PCDHGA10: variants seen among roughly 807,000 people sequenced by gnomAD.
PCDHGA10 encodes the protein protocadherin gamma subfamily A, 10.
In PCDHGA10, 42 loss-of-function variants were observed where a neutral mutation model predicts 59.5. The observed-to-expected ratio is 0.71, with a 90% CI of 0.55 to 0.91. PCDHGA10 has a LOEUF of 0.91. Ranked by LOEUF, PCDHGA10 falls within the 40% of genes least tolerant of loss-of-function variation. PCDHGA10 has a pLI of 0.00. For missense variants in PCDHGA10, 1,111 were observed against 1,198.2 expected (o/e 0.93, Z 1.07); for synonymous variants, 511 against 517.2 (o/e 0.99, Z 0.16).
At position 141,491,049 on chromosome 5, in the gene PCDHGA10, G is replaced by C; in HGVS notation, c.2437-3758G>C. The C allele has an allele frequency of 1.2e-6, 2 of 1,614,116 alleles. No homozygotes were observed. Among genetic ancestry groups the C allele is most frequent in the Admixed American group, 3.3e-5 (2 of 60,024 alleles). On this transcript the variant is annotated intron_variant, in intron 1 of 3. Transcript: ENST00000398610. This position sits in a 1 kb window ranked among gnomAD's most constrained non-coding sequence, Gnocchi z 6.9. ...TGGATGCTGATGCAGGCCACAATGC[G>C]TGGCTCTCCTACTCACTGTTGCCAC...
Position 141,490,177 on chromosome 5 carries a change from T to C in PCDHGA10, c.2437-4630T>C, listed in dbSNP as rs780298274. 12 of 1,613,622 alleles carry C rather than the reference T, an allele frequency of 7.4e-6. No individual in the cohort carries two copies. The highest frequency in any genetic ancestry group is 1.0e-5 in the Non-Finnish European group (12 of 1,179,932). On this transcript the variant is annotated intron_variant, in intron 1 of 3. Transcript: ENST00000398610. This position sits in a 1 kb window ranked among gnomAD's most constrained non-coding sequence, Gnocchi z 5.4. The stretch of plus-strand genomic sequence containing the variant: ...GTTGGGTCCCATAGACTTTGAGGAG[T>C]CACGTTTCTATGAAATTCATGCAAG...
In PCDHGA10 at chr5:141,489,720, G is replaced by A. The variant is rs560729125; in HGVS notation, c.2437-5087G>A. ...TCCCACTGGACAGTGCCCAGGATCC[G>A]GATGTGGGCACCAATACTGTGAGCT... On this transcript the variant is annotated intron_variant, in intron 1 of 3. Transcript: ENST00000398610. The surrounding 1 kb of genome is among the most constrained non-coding windows in gnomAD (Gnocchi z 4.5). The A allele has an allele frequency of 3.2e-5, 51 of 1,614,200 alleles. No individual in the cohort carries two copies. The highest frequency in any genetic ancestry group is 9.3e-5 in the African/African-American group (7 of 75,048).
chr5:141,467,572 G>A (rs1351985954), intron 1 of PCDHGA10, among the ~76,000 whole-genome samples: 1 of 152,184 alleles, frequency 6.6e-6, no homozygotes, highest in African/African-American at 2.4e-5. Flanking sequence ...TGGCTATCCA[G>A]TTGTCCCAAT....
chr5:141,473,655 G>A (rs2099326380), intron 1 of PCDHGA10, among the ~76,000 whole-genome samples: 1 of 152,182 alleles, frequency 6.6e-6, no homozygotes, highest in Non-Finnish European at 1.5e-5. Context: ...AACAATTTGT[G>A]TGAAGGCCCT....
intron 1 of PCDHGA10, among the ~76,000 whole-genome samples, chr5:141,463,545 T>C (rs1433047951): frequency 6.8e-6 from 1 of 146,704 alleles, no homozygotes; most frequent in East Asian, 2.1e-4. Flanking sequence ...GGCTCCCGGG[T>C]TCATGCCATT....
At chr5:141,496,402 G>T (rs551923899) in intron 2 of PCDHGA10, among the ~76,000 whole-genome samples, 183 of 152,248 alleles carry the variant, frequency 1.2e-3, no homozygotes, top group African/African-American at 4.0e-3. Flanking sequence ...CCTCCTCAAT[G>T]GTTGAGTACT....
chr5:141,445,825 G>A (rs1031190864), intron 1 of PCDHGA10, among the ~76,000 whole-genome samples: 8 of 152,124 alleles, frequency 5.3e-5, no homozygotes, highest in Non-Finnish European at 1.2e-4. Context: ...AATAAGGCAG[G>A]GAGAGCCTTG....
At chr5:141,478,239 C>G in intron 1 of PCDHGA10, 1 of 1,614,132 alleles carries the variant, frequency 6.2e-7, no homozygotes. Flanking sequence ...TTTGTGGTCA[C>G]AGTGTTCGGA....
chr5:141,430,723 A>C lies in PCDHGA10; in HGVS notation c.2436+15112A>C, dbSNP rs554822923. ...GAACTGCTCCTGACTTCAGTGGTTAAGGGCAGAATTGAAAATAATTCTGGA... is the reference window on the plus strand; with the variant it reads ...GAACTGCTCCTGACTTCAGTGGTTACGGGCAGAATTGAAAATAATTCTGGA... On this transcript the variant is annotated intron_variant, in intron 1 of 3. Transcript: ENST00000398610. 58 of 1,493,590 alleles carry C rather than the reference A, an allele frequency of 3.9e-5. No homozygotes were observed. The African/African-American group carries it at 7.7e-4, about 20-fold the overall frequency. The allele number at this position is 1,493,590 out of a possible 1,614,324, so 92.5% of individuals were successfully genotyped here. A position where few individuals can be genotyped will look rare whatever the true frequency, so the allele number is the denominator to read the frequency against.
At position 141,414,031 on chromosome 5, in the gene PCDHGA10, C is replaced by G. The variant is rs900884760; in HGVS notation, c.856C>G (p.Arg286Gly). The G allele has an allele frequency of 1.2e-6, 2 of 1,611,740 alleles. No homozygotes were observed. The highest frequency in any genetic ancestry group is 2.7e-5 in the African/African-American group (2 of 74,762). The change falls in exon 1 of 4, where the codon CGA (arginine) becomes GGA (glycine). Residue 286 changes from arginine (R) to glycine (G), a missense_variant. Physicochemically the swap from Arg to Gly is moderately radical, Grantham distance 125 (BLOSUM62 -2). Coordinates refer to ENST00000398610, the MANE Select transcript of PCDHGA10 (RefSeq NM_018913.3). ...GANGEVTYSF[R>G]KLPDTQLLKF... ...CAATGGAGAAGTGACATATTCATTC[C>G]GAAAATTACCTGACACGCAATTGTT... is the stretch of plus-strand genomic sequence containing the variant.
chr5:141,482,967 AGCAGCTACTT>A (rs2099575323), intron 1 of PCDHGA10, among the ~76,000 whole-genome samples: 1 of 58,122 alleles, frequency 1.7e-5, no homozygotes, highest in African/African-American at 2.6e-4. Flanking sequence ...CAGCTACTTG[AGCAGCTACTT>A]GAGAGGTCGA....
At chr5:141,500,866 A>G (rs576713520) in intron 2 of PCDHGA10, among the ~76,000 whole-genome samples, 19 of 146,112 alleles carry the variant, frequency 1.3e-4, no homozygotes, top group South Asian at 4.3e-4. Context: ...AAACATACAC[A>G]TTCATTTACA....
Position 141,413,304 on chromosome 5 carries a change from A to G in PCDHGA10, c.129A>G (p.Leu43=). The G allele has an allele frequency of 6.2e-7, 1 of 1,613,982 alleles. No homozygotes were observed. Among genetic ancestry groups the G allele is most frequent in the Non-Finnish European group, 8.5e-7 (1 of 1,179,906 alleles). The part of the protein sequence containing the change: ...RQISYSIPEE[L]EKGSFVGNIS... ...TCTCCTACTCAATTCCTGAGGAATTAGAGAAAGGCTCTTTCGTGGGCAACA... is the reference window on the plus strand; with the variant it reads ...TCTCCTACTCAATTCCTGAGGAATTGGAGAAAGGCTCTTTCGTGGGCAACA... Residue 43 remains leucine, a synonymous_variant, in exon 1 of 4, where the codon TTA becomes TTG. Coordinates refer to ENST00000398610, the MANE Select transcript of PCDHGA10 (RefSeq NM_018913.3).
At position 141,415,428 on chromosome 5, in the gene PCDHGA10, G is replaced by T. The variant is rs948747218; in HGVS notation, c.2253G>T (p.Arg751=). 1.5e-5 allele frequency: 24 copies of T among 1,614,088 alleles called. No individual in the cohort carries two copies. In the Admixed American group the frequency reaches 1.7e-4, roughly 11 times the overall value. ...ACTTTGTGGGCGTGGACGGGGTTCG[G>T]GCTTTCCTGCAGACCTATTCCCACG... ...GSHFVGVDGV[R]AFLQTYSHEV... Residue 751 remains arginine (R), a synonymous_variant, in exon 1 of 4, where the codon CGG becomes CGT. Transcript: ENST00000398610.
intron 2 of PCDHGA10, among the ~76,000 whole-genome samples, chr5:141,502,705 T>C (rs1475675789): frequency 6.6e-6 from 1 of 152,248 alleles, no homozygotes; most frequent in African/African-American, 2.4e-5. Context: ...TATCTGTTTT[T>C]ACATCAGTGA....
rs1224943883 is a variant in PCDHGA10 at position 141,493,516 on chromosome 5, G to A, written c.2437-1291G>A. Among the ~76,000 whole-genome samples, 1 of 152,122 alleles carries A rather than the reference G, an allele frequency of 6.6e-6. No individual in the cohort carries two copies. The highest frequency in any genetic ancestry group is 1.5e-5 in the Non-Finnish European group (1 of 68,036). On this transcript the variant is annotated intron_variant, in intron 1 of 3. Coordinates refer to ENST00000398610, the MANE Select transcript of PCDHGA10 (RefSeq NM_018913.3). The surrounding 1 kb of genome is among the most constrained non-coding windows in gnomAD (Gnocchi z 4.3). ...GGCTCCTCATTTCTGAGCAGTCCCC[G>A]CAGCGCAAACTTGGCCAGTTATCCT...
At position 141,486,709 on chromosome 5, in the gene PCDHGA10, C is replaced by T; in HGVS notation, c.2437-8098C>T. 6.2e-7 allele frequency: 1 copy of T among 1,614,182 alleles called. No individual in the cohort carries two copies. ...CTTCCTCTTTCATCTCTCTGAACCC[C>T]CAGACAGGAGCTGTTCATGCTACTC... On this transcript the variant is annotated intron_variant, in intron 1 of 3. Coordinates refer to ENST00000398610, the MANE Select transcript of PCDHGA10 (RefSeq NM_018913.3). This position sits in a 1 kb window ranked among gnomAD's most constrained non-coding sequence, Gnocchi z 5.0.
Position 141,491,886 on chromosome 5 carries a change from G to A in PCDHGA10, c.2437-2921G>A. On this transcript the variant is annotated intron_variant, in intron 1 of 3. Coordinates refer to ENST00000398610, the MANE Select transcript of PCDHGA10 (RefSeq NM_018913.3). The surrounding 1 kb of genome is among the most constrained non-coding windows in gnomAD (Gnocchi z 6.9). ...CCAGAGTGGCCGATTAAGGGATGGG[G>A]CTCCGAGCACCGGGGGTGGTGGCGA... 6.9e-7 allele frequency: 1 copy of A among 1,445,558 alleles called. No individual in the cohort carries two copies. Among genetic ancestry groups the A allele is most frequent in the Non-Finnish European group, 9.1e-7 (1 of 1,093,458 alleles). 89.5% of individuals were successfully genotyped at this position (1,445,558 alleles called of 1,614,324 possible). A position where few individuals can be genotyped will look rare whatever the true frequency, so the allele number is the denominator to read the frequency against.
chr5:141,494,306 T>G (rs1432951954), intron 1 of PCDHGA10, among the ~76,000 whole-genome samples: 1 of 152,212 alleles, frequency 6.6e-6, no homozygotes, highest in Non-Finnish European at 1.5e-5. Flanking sequence ...AATGTGTCAC[T>G]GCACAACCTG....
Sources: gnomAD v4.1 joint callset for allele counts (sites outside exome capture counted in the v4.1 genomes callset) on GRCh38, gnomAD v4.1.1 for gene constraint, Gnocchi (gnomAD v3.1) non-coding constraint, MANE v1.5 for transcripts, NCBI Gene and HGNC (gene_info 2026-07-23, HGNC 2026-07-21) for gene names.